BPIFB4: variants seen among roughly 807,000 people sequenced by gnomAD.
BPIFB4 encodes the protein BPI fold containing family B member 4, also known as BPI fold-containing family B member 4.
A neutral mutation model predicts 69.2 loss-of-function variants in BPIFB4; 62 were observed. That is an observed-to-expected ratio of 0.90 (90% CI 0.73 to 1.11). The LOEUF (loss-of-function observed/expected upper bound fraction) is 1.11. Ranked by LOEUF, BPIFB4 falls within the 50% of genes least tolerant of loss-of-function variation. The pLI is 0.00. For missense variants in BPIFB4, 789 were observed against 792.0 expected, an observed-to-expected ratio of 1.00 and a Z score of 0.04; for synonymous variants, 330 against 332.7, an observed-to-expected ratio of 0.99 and a Z score of 0.09.
At chr20:33,104,986 C>T in intron 16 of BPIFB4, 113 bp downstream of exon 16, 1 of 1,095,952 alleles carries the variant, frequency 9.1e-7, no homozygotes, top group Non-Finnish European at 1.3e-6. Context: ...TATTTCTGAG[C>T]ACTTCCTTTG....
Position 33,083,531 on chromosome 20 carries a change from G to A in BPIFB4, c.334G>A (p.Glu112Lys), listed in dbSNP as rs781326746. The A allele has an allele frequency of 1.4e-5, 23 of 1,613,892 alleles. No individual in the cohort carries two copies. The East Asian group carries it at 2.7e-4, about 19-fold the overall frequency. ...CCGATATGGTGAGATCCTTGAGTCC[G>A]AGGGAAGCATCAGGGACCTCCGAAA... ...KYRYGEILES[E>K]GSIRDLRNSG... The change falls in exon 5 of 18, where the codon GAG (glutamate) becomes AAG (lysine). Residue 112 changes from glutamate (E) to lysine (K), a missense_variant. Around this residue, in one of 3 missense-constraint regions of BPIFB4, gnomAD observed 611 missense variants for 575.4 expected, o/e 1.06. Transcript: ENST00000375483.
Position 33,099,093 on chromosome 20 carries a change from C to T in BPIFB4, c.1569+1306C>T, listed in dbSNP as rs564250579. On this transcript the variant is annotated intron_variant, in intron 13 of 17. Coordinates refer to ENST00000375483, the MANE Select transcript of BPIFB4 (RefSeq NM_182519.3). ...GTAGATGCTCAGTAAACATTGGTCA[C>T]AGGAATGTGTTAAGCTGTGTTAAAT... Among the ~76,000 whole-genome samples the T allele has an allele frequency of 1.4e-3, 216 of 151,866 alleles. 2 individuals are homozygous for T. Among genetic ancestry groups the T allele is most frequent in the African/African-American group, 5.1e-3 (209 of 41,358 alleles).
At chr20:33,085,990 A>G in intron 6 of BPIFB4, 31 bp from the exon 7 acceptor site, 3 of 1,587,912 alleles carry the variant, frequency 1.9e-6, no homozygotes, top group Non-Finnish European at 2.6e-6. Flanking sequence ...GGGGTGACTC[A>G]TGGTCTCCCT....
At chr20:33,093,226 C>G (rs1981659789) in intron 11 of BPIFB4, among the ~76,000 whole-genome samples, 1 of 152,058 alleles carries the variant, frequency 6.6e-6, no homozygotes, top group Non-Finnish European at 1.5e-5. Context: ...TACCCACCCA[C>G]TCCTCCACCC....
chr20:33,095,168 C>G lies in BPIFB4; in HGVS notation c.1398+15C>G. 6.3e-7 allele frequency: 1 copy of G among 1,594,838 alleles called. No individual in the cohort carries two copies. Among genetic ancestry groups the G allele is most frequent in the South Asian group, 1.1e-5 (1 of 90,676 alleles). On this transcript the variant is annotated intron_variant, in intron 12 of 17. Coordinates refer to ENST00000375483, the MANE Select transcript of BPIFB4 (RefSeq NM_182519.3). ...TGATCCCCAAGGTATGTAAGGTGGG[C>G]AGGTCCCATTGCCTTCAGCCTCATT...
At chr20:33,092,816 G>A (rs557326924) in intron 11 of BPIFB4, among the ~76,000 whole-genome samples, 158 bp downstream of exon 11, 8 of 152,330 alleles carry the variant, frequency 5.3e-5, no homozygotes, top group South Asian at 2.1e-4. Context: ...CGTCAATTAC[G>A]TCAGTACTTG....
intron 4 of BPIFB4, 49 bp from the exon 5 acceptor site, chr20:33,083,318 G>T: frequency 6.4e-7 from 1 of 1,566,302 alleles, no homozygotes; most frequent in Non-Finnish European, 8.7e-7. Context: ...TCTTTTGGGT[G>T]GTGGCCGACA....
intron 17 of BPIFB4, among the ~76,000 whole-genome samples, chr20:33,110,952 A>C (rs1157322157): frequency 6.6e-6 from 1 of 151,684 alleles, no homozygotes; most frequent in African/African-American, 2.4e-5. Context: ...AGTAGCTGGA[A>C]TTACAGGCAC....
At chr20:33,104,436 G>A (rs945850557) in intron 15 of BPIFB4, among the ~76,000 whole-genome samples, 3 of 152,130 alleles carry the variant, frequency 2.0e-5, no homozygotes, top group Admixed American at 1.3e-4. Context: ...GGGAACCTGG[G>A]GTGTTGGCTC....
chr20:33,109,937 T>C (rs140001308), intron 17 of BPIFB4, among the ~76,000 whole-genome samples: 267 of 152,336 alleles, frequency 1.8e-3, no homozygotes, highest in African/African-American at 6.3e-3. Context: ...TTTTAACTTT[T>C]TATTTTGAAA....
chr20:33,106,762 G>A (rs1982070142), intron 16 of BPIFB4, among the ~76,000 whole-genome samples: 2 of 152,284 alleles, frequency 1.3e-5, no homozygotes, highest in Middle Eastern at 3.4e-3. Context: ...TGCTGCAGGA[G>A]CCTTGAGTCG....
chr20:33,102,548 G>A (rs2070328), intron 14 of BPIFB4, among the ~76,000 whole-genome samples: 45,947 of 152,132 alleles, frequency 0.3, 7,127 homozygotes, highest in Middle Eastern at 0.38. Flanking sequence ...AATTACCCTG[G>A]AGCCTGCTCC....
intron 15 of BPIFB4, 143 bp from the exon 16 acceptor site, chr20:33,104,667 T>A: frequency 1.5e-6 from 1 of 662,808 alleles, no homozygotes; most frequent in South Asian, 2.1e-5. Context: ...AATTCTGGGG[T>A]CTCAGGGGTT....
In BPIFB4 at chr20:33,107,739, T is replaced by C; in HGVS notation, c.1745-5T>C. ...GACCATGTCTGACTGTTTTTTATTT[T>C]ACAGCTGTGCTGGGTTCTGGCGTCC... On this transcript the variant is annotated splice_region_variant and splice_polypyrimidine_tract_variant and intron_variant, in intron 16 of 17. Transcript: ENST00000375483. 6.2e-7 allele frequency: 1 copy of C among 1,612,880 alleles called. No homozygotes were observed. Among genetic ancestry groups the C allele is most frequent in the Non-Finnish European group, 8.5e-7 (1 of 1,178,878 alleles).
intron 13 of BPIFB4, among the ~76,000 whole-genome samples, chr20:33,099,990 T>C (rs1009035475): frequency 6.6e-6 from 1 of 152,118 alleles, no homozygotes; most frequent in Non-Finnish European, 1.5e-5. Context: ...ACAGTTATGA[T>C]TGGCAGCGGT....
chr20:33,094,778 G>A (rs1199177221), intron 11 of BPIFB4, among the ~76,000 whole-genome samples: 2 of 152,188 alleles, frequency 1.3e-5, no homozygotes, highest in African/African-American at 4.8e-5. Flanking sequence ...AAAGTGCTGG[G>A]ATTACAGGCA....
chr20:33,097,708 T>A lies in BPIFB4; in HGVS notation c.1490T>A (p.Leu497Gln). The A allele has an allele frequency of 6.2e-7, 1 of 1,614,150 alleles. No individual in the cohort carries two copies. The highest frequency in any genetic ancestry group is 1.7e-5 in the Admixed American group (1 of 60,016). ...GTGATGCTGCAGAAGGACAAAGCGC[T>A]GGTGAAGGTGTTGGCCACTGCCGAG... Reference protein sequence around the residue: ...PSVMLQKDKALVKVLATAEVM... With the variant: ...PSVMLQKDKAQVKVLATAEVM... The change falls in exon 13 of 18, where the codon CTG becomes CAG. Residue 497 changes from leucine (L) to glutamine (Q), a missense_variant. By Grantham distance (113) the Leu-to-Gln change is moderately radical (BLOSUM62 -2). Around this residue, in one of 3 missense-constraint regions of BPIFB4, gnomAD observed 170 missense variants for 193.6 expected, o/e 0.88. Transcript: ENST00000375483.
chr20:33,099,785 G>A (rs528943052), intron 13 of BPIFB4, among the ~76,000 whole-genome samples: 45 of 152,284 alleles, frequency 3.0e-4, no homozygotes, highest in Admixed American at 2.5e-3. Context: ...GCCAGTCATC[G>A]TGGTCATTGT....
intron 15 of BPIFB4, among the ~76,000 whole-genome samples, chr20:33,103,319 G>A (rs1981956404): frequency 2.0e-5 from 3 of 151,680 alleles, no homozygotes; most frequent in Admixed American, 6.6e-5. Flanking sequence ...TCAGGGTGGG[G>A]AGGCACAGTG....
Sources: allele counts gnomAD v4.1 joint callset (sites outside exome capture counted in the v4.1 genomes callset), GRCh38; gene constraint gnomAD v4.1.1; regional missense constraint gnomAD v4.1.1; transcripts MANE v1.5; gene names NCBI Gene and HGNC (gene_info 2026-07-23, HGNC 2026-07-21).